TMEM132D: variants seen among roughly 807,000 people sequenced by gnomAD.
The protein encoded by TMEM132D is mature OL transmembrane protein.
Under a neutral mutation model 62.3 loss-of-function variants are expected in TMEM132D, and 21 were observed. The observed-to-expected ratio is 0.34, with a 90% confidence interval of 0.24 to 0.49. The LOEUF is 0.49. Ranked by LOEUF, TMEM132D falls within the 20% of genes least tolerant of loss-of-function variation. The probability of loss-of-function intolerance (pLI) is 0.99; values close to 1 mark genes in which losing one functional copy is unlikely to be tolerated. For missense variants in TMEM132D, 1,346 were observed against 1,402.8 expected, an observed-to-expected ratio of 0.96 and a Z score of 0.65; for synonymous variants, 621 against 575.6, an observed-to-expected ratio of 1.08 and a Z score of -1.13.
intron 2 of TMEM132D, among the ~76,000 whole-genome samples, chr12:129,562,535 C>T (rs952239024): frequency 3.3e-5 from 5 of 152,328 alleles, no homozygotes; most frequent in Admixed American, 2.0e-4. Flanking sequence ...AATATCTGTA[C>T]TCTTACAGAA....
intron 8 of TMEM132D, among the ~76,000 whole-genome samples, chr12:129,076,799 G>A (rs555449952): frequency 6.6e-6 from 1 of 152,320 alleles, no homozygotes; most frequent in East Asian, 1.9e-4. Flanking sequence ...GTTTAGCTCT[G>A]CATGTCAGGA....
chr12:129,749,202 C>A (rs1869918516), intron 1 of TMEM132D, among the ~76,000 whole-genome samples: 1 of 152,218 alleles, frequency 6.6e-6, no homozygotes, highest in Non-Finnish European at 1.5e-5. Flanking sequence ...CACTGACACA[C>A]TGCATCAGAG....
At chr12:129,892,590 T>G (rs1001492333) in intron 1 of TMEM132D, among the ~76,000 whole-genome samples, 2 of 152,206 alleles carry the variant, frequency 1.3e-5, no homozygotes, top group Admixed American at 1.3e-4. Flanking sequence ...TAAATGCACT[T>G]GCATAACTGT....
chr12:129,103,433 G>T (rs1024881443), intron 5 of TMEM132D, among the ~76,000 whole-genome samples: 1 of 152,216 alleles, frequency 6.6e-6, no homozygotes. Context: ...ATTTGGAGGA[G>T]CCAGCAACAG....
intron 5 of TMEM132D, chr12:129,113,332 G>A (rs945472130): frequency 6.6e-6 from 1 of 152,096 alleles, no homozygotes; most frequent in Non-Finnish European, 1.5e-5. Context: ...TCTGTCCAGG[G>A]GGCAGATGGA....
At chr12:129,814,390 A>G (rs2137318676) in intron 1 of TMEM132D, among the ~76,000 whole-genome samples, 1 of 152,256 alleles carries the variant, frequency 6.6e-6, no homozygotes, top group African/African-American at 2.4e-5. Flanking sequence ...CAGGCAGGTC[A>G]TCCGAGGTGG....
At chr12:129,164,510 A>G (rs1343106671) in intron 5 of TMEM132D, among the ~76,000 whole-genome samples, 3 of 152,204 alleles carry the variant, frequency 2.0e-5, no homozygotes, top group Admixed American at 1.3e-4. Flanking sequence ...CCATTTTCAT[A>G]CTGCTATAAA....
intron 2 of TMEM132D, among the ~76,000 whole-genome samples, chr12:129,688,910 A>T (rs867301080): frequency 1.3e-5 from 2 of 152,298 alleles, no homozygotes; most frequent in Middle Eastern, 3.4e-3. Flanking sequence ...TTTCTCCCAC[A>T]ACCATAATCT....
intron 1 of TMEM132D, among the ~76,000 whole-genome samples, chr12:129,704,318 C>T (rs1268825338): frequency 6.6e-6 from 1 of 152,214 alleles, no homozygotes; most frequent in South Asian, 2.1e-4. Flanking sequence ...TCTGCAAGAG[C>T]AAAGGCCATG....
At chr12:129,087,134 T>TC (rs1248038021) in intron 5 of TMEM132D, among the ~76,000 whole-genome samples, 7 of 152,152 alleles carry the variant, frequency 4.6e-5, no homozygotes, top group Non-Finnish European at 8.8e-5. Flanking sequence ...CCTCTCTCCA[T>TC]GTCACCCACT....
intron 5 of TMEM132D, among the ~76,000 whole-genome samples, chr12:129,171,008 CT>C: frequency 6.6e-6 from 1 of 152,152 alleles, no homozygotes; most frequent in Admixed American, 6.5e-5. Flanking sequence ...TCGACTCTTC[CT>C]TTCATGAATG....
chr12:129,569,977 A>G (rs58435929), intron 2 of TMEM132D, among the ~76,000 whole-genome samples: 50,702 of 151,940 alleles, frequency 0.33, 8,825 homozygotes, highest in Non-Finnish European at 0.36. Flanking sequence ...CTGAATGGCA[A>G]ATAAAGCCAG....
intron 3 of TMEM132D, among the ~76,000 whole-genome samples, chr12:129,394,605 C>T (rs1225199501): frequency 6.6e-6 from 1 of 152,212 alleles, no homozygotes; most frequent in African/African-American, 2.4e-5. Flanking sequence ...GTGAGGAGGA[C>T]TGTGAGAAGC....
intron 1 of TMEM132D, among the ~76,000 whole-genome samples, chr12:129,731,966 A>AT (rs1463915548): frequency 6.6e-6 from 1 of 151,942 alleles, no homozygotes; most frequent in African/African-American, 2.4e-5. Context: ...CCGGCCAGAA[A>AT]TTTTTTTTAG....
At chr12:129,432,184 T>TGGAA (rs1294321278) in intron 3 of TMEM132D, among the ~76,000 whole-genome samples, 1 of 151,082 alleles carries the variant, frequency 6.6e-6, no homozygotes, top group Non-Finnish European at 1.5e-5. Context: ...GATGGATGGA[T>TGGAA]GGATGGATGG....
intron 4 of TMEM132D, among the ~76,000 whole-genome samples, chr12:129,280,880 A>T (rs1430711273): frequency 6.6e-6 from 1 of 152,042 alleles, no homozygotes; most frequent in African/African-American, 2.4e-5. Context: ...AGAGAAACTT[A>T]ATACAGGATT....
intron 2 of TMEM132D, among the ~76,000 whole-genome samples, chr12:129,648,128 C>A (rs1254859818): frequency 5.9e-5 from 9 of 152,154 alleles, no homozygotes; most frequent in East Asian, 3.9e-4. Context: ...AGGCTCCTAA[C>A]CTTCCCAATC....
intron 1 of TMEM132D, among the ~76,000 whole-genome samples, chr12:129,751,251 G>A (rs1430039280): frequency 6.6e-6 from 1 of 152,144 alleles, no homozygotes; most frequent in African/African-American, 2.4e-5. Flanking sequence ...ATGGTGGGAG[G>A]CAAAGGAGGA....
intron 5 of TMEM132D, among the ~76,000 whole-genome samples, chr12:129,185,638 G>A (rs1243606044): frequency 6.6e-6 from 1 of 151,598 alleles, no homozygotes; most frequent in Non-Finnish European, 1.5e-5. Context: ...ATTCAAAATT[G>A]GCTTCTCAAA....
Sources: gnomAD v4.1 joint callset for allele counts (sites outside exome capture counted in the v4.1 genomes callset) on GRCh38, gnomAD v4.1.1 for gene constraint, MANE v1.5 for transcripts, NCBI Gene and HGNC (gene_info 2026-07-23, HGNC 2026-07-21) for gene names.